BORCS5: variants seen among roughly 807,000 people sequenced by gnomAD.
BORCS5 encodes the protein BLOC-1-related complex subunit 5.
Under a neutral mutation model 22.1 loss-of-function variants are expected in BORCS5, and 17 were observed. The ratio of observed to expected loss-of-function variants is 0.77; its 90% CI spans 0.53 to 1.15. The LOEUF (loss-of-function observed/expected upper bound fraction) is 1.15. Among genes scored for constraint, BORCS5 ranks in the 50% most tolerant of loss-of-function variants. The pLI is 0.00. For missense variants in BORCS5, 247 were observed against 253.2 expected, an observed-to-expected ratio of 0.98 and a Z score of 0.17; for synonymous variants, 117 against 99.8, an observed-to-expected ratio of 1.17 and a Z score of -1.03.
intron 2 of BORCS5, among the ~76,000 whole-genome samples, chr12:12,380,576 G>T (rs1863754825): frequency 6.6e-6 from 1 of 151,648 alleles, no homozygotes; most frequent in African/African-American, 2.4e-5. Flanking sequence ...ATGCTGCTAT[G>T]AACCTTTGTG....
In BORCS5 at chr12:12,357,145, G is replaced by T. The variant is rs576095939; in HGVS notation, c.-307G>T. 2.8e-5 allele frequency: 43 copies of T among 1,533,074 alleles called. No individual in the cohort carries two copies. In the African/African-American group the frequency reaches 5.2e-4, roughly 19 times the overall value. The allele number at this position is 1,533,074 out of a possible 1,614,324, so 95.0% of individuals were successfully genotyped here. A position where few individuals can be genotyped will look rare whatever the true frequency, so the allele number is the denominator to read the frequency against. On this transcript the variant is annotated 5_prime_UTR_variant, in exon 1 of 4. Coordinates refer to ENST00000314565, the MANE Select transcript of BORCS5 (RefSeq NM_058169.6). ...TGAGTGAAAGCGGCGCCGCCCGCCG[G>T]CCGCAGGTGCGGCAAAGCCAGTGTC...
intron 2 of BORCS5, among the ~76,000 whole-genome samples, chr12:12,369,712 C>CTTT (rs71061052): frequency 0.01 from 448 of 42,960 alleles, 63 homozygotes; most frequent in African/African-American, 0.025. Context: ...CCCCCCACTT[C>CTTT]TTTTTTTTTT....
chr12:12,399,894 C>A (rs1435991274), intron 2 of BORCS5, among the ~76,000 whole-genome samples: 2 of 152,166 alleles, frequency 1.3e-5, no homozygotes, highest in Non-Finnish European at 2.9e-5. Context: ...TCATTGTTTT[C>A]CACTCATCTG....
intron 3 of BORCS5, among the ~76,000 whole-genome samples, chr12:12,445,901 C>T (rs1052746476): frequency 1.3e-5 from 2 of 151,502 alleles, no homozygotes; most frequent in Non-Finnish European, 2.9e-5. Flanking sequence ...ACAATGGCCT[C>T]CCAAATGCCA....
At chr12:12,364,988 A>G (rs1452414436) in intron 2 of BORCS5, among the ~76,000 whole-genome samples, 1 of 152,212 alleles carries the variant, frequency 6.6e-6, no homozygotes, top group African/African-American at 2.4e-5. Context: ...ATCATCACTG[A>G]GTGCCCTGAA....
chr12:12,362,885 A>T (rs1168898389), intron 2 of BORCS5, among the ~76,000 whole-genome samples: 1 of 151,776 alleles, frequency 6.6e-6, no homozygotes. Context: ...TCCTGACCTC[A>T]GGTGATCCAC....
At chr12:12,393,943 G>T (rs977032097) in intron 2 of BORCS5, among the ~76,000 whole-genome samples, 1 of 152,034 alleles carries the variant, frequency 6.6e-6, no homozygotes, top group Non-Finnish European at 1.5e-5. Flanking sequence ...TACAGATCAG[G>T]TGTGTATGTT....
chr12:12,417,794 A>G (rs2098872448), intron 2 of BORCS5, among the ~76,000 whole-genome samples: 2 of 151,872 alleles, frequency 1.3e-5, no homozygotes, highest in East Asian at 1.9e-4. Context: ...GACTAGTACC[A>G]TCATACCCAG....
intron 2 of BORCS5, among the ~76,000 whole-genome samples, chr12:12,365,290 T>C (rs903969847): frequency 6.6e-6 from 1 of 152,032 alleles, no homozygotes; most frequent in African/African-American, 2.4e-5. Flanking sequence ...CCATCTCAGC[T>C]TCCAGAGTAG....
Position 12,361,286 on chromosome 12 carries a change from G to A in BORCS5, c.139G>A (p.Val47Ile), listed in dbSNP as rs372230725. Residue 47 changes from valine to isoleucine, a missense_variant, in exon 2 of 4, where the codon GTC becomes ATC. By Grantham distance (29) the Val-to-Ile change is conservative (BLOSUM62 3). Coordinates refer to ENST00000314565, the MANE Select transcript of BORCS5 (RefSeq NM_058169.6). The part of the protein sequence containing the change: ...VAQGSQASRN[V>I]SNDPDVIKLQ... Reference sequence around the variant, plus strand: ...TCAGGGCTCCCAGGCCTCACGGAACGTCAGCAACGATCCCGATGTCATCAA... The same window carrying A: ...TCAGGGCTCCCAGGCCTCACGGAACATCAGCAACGATCCCGATGTCATCAA... 1.8e-4 allele frequency: 297 copies of A among 1,614,006 alleles called. No individual in the cohort carries two copies. Among genetic ancestry groups the A allele is most frequent in the Non-Finnish European group, 2.2e-4 (258 of 1,180,040 alleles).
At chr12:12,402,515 T>A (rs1411099199) in intron 2 of BORCS5, among the ~76,000 whole-genome samples, 3 of 152,208 alleles carry the variant, frequency 2.0e-5, no homozygotes, top group African/African-American at 7.2e-5. Flanking sequence ...TTATCCAATA[T>A]TCTGCTTCCT....
At chr12:12,448,527 C>CTTTTTTTTTTTTTTT (rs34937700) in intron 3 of BORCS5, among the ~76,000 whole-genome samples, 1 of 142,406 alleles carries the variant, frequency 7.0e-6, no homozygotes, top group Non-Finnish European at 1.5e-5. Context: ...GTCTTCAATT[C>CTTTTTTTTTTTTTTT]TTTTTTTTTT....
intron 2 of BORCS5, among the ~76,000 whole-genome samples, chr12:12,417,486 G>A (rs1942000204): frequency 6.6e-6 from 1 of 152,104 alleles, no homozygotes; most frequent in Admixed American, 6.6e-5. Flanking sequence ...AGTTTGTTGT[G>A]TGTTCAAGTC....
rs756431522 is a variant in BORCS5, at chr12:12,465,519, T to C, written c.361-27T>C. On this transcript the variant is annotated intron_variant, in intron 3 of 3. Transcript: ENST00000314565. ...GGAGAGGACTTGATTAAACAAGGTATAATGTACTTCTCTTTCCCATCCACA... is the reference window on the plus strand; with the variant it reads ...GGAGAGGACTTGATTAAACAAGGTACAATGTACTTCTCTTTCCCATCCACA... 6.2e-6 allele frequency: 10 copies of C among 1,602,368 alleles called. No individual in the cohort carries two copies. The East Asian group carries it at 2.2e-4, about 36-fold the overall frequency.
chr12:12,457,187 A>G lies in BORCS5; in HGVS notation c.361-8359A>G, dbSNP rs1943012592. Among the ~76,000 whole-genome samples the G allele has an allele frequency of 7.2e-5, 11 of 152,274 alleles. No homozygotes were observed. In the South Asian group the frequency reaches 2.3e-3, roughly 32 times the overall value. On this transcript the variant is annotated intron_variant, in intron 3 of 3. Transcript: ENST00000314565. Reference sequence around the variant, plus strand: ...TTTATCTCATTTAATTCTCACGTCAACCCTATGACGTAGGCATTGTCAATT... The same window carrying G: ...TTTATCTCATTTAATTCTCACGTCAGCCCTATGACGTAGGCATTGTCAATT...
At chr12:12,411,151 A>T (rs1315361938) in intron 2 of BORCS5, among the ~76,000 whole-genome samples, 1 of 152,192 alleles carries the variant, frequency 6.6e-6, no homozygotes, top group Non-Finnish European at 1.5e-5. Context: ...TTCTAGATAT[A>T]CAATCATGTC....
chr12:12,367,318 A>T (rs1863426308), intron 2 of BORCS5, among the ~76,000 whole-genome samples: 1 of 152,212 alleles, frequency 6.6e-6, no homozygotes, highest in Non-Finnish European at 1.5e-5. Context: ...CAGCTGTCAG[A>T]CCTTATCATT....
At chr12:12,381,570 G>A (rs1033502335) in intron 2 of BORCS5, among the ~76,000 whole-genome samples, 3 of 151,248 alleles carry the variant, frequency 2.0e-5, no homozygotes, top group African/African-American at 7.3e-5. Context: ...TTTTAATTTC[G>A]TGGATTGTAC....
intron 2 of BORCS5, among the ~76,000 whole-genome samples, chr12:12,408,478 C>A (rs928710325): frequency 1.3e-4 from 20 of 152,136 alleles, no homozygotes; most frequent in African/African-American, 4.8e-4. Flanking sequence ...TGTTGTGTGA[C>A]CATCACCACT....
Sources: gnomAD v4.1 joint callset for allele counts (sites outside exome capture counted in the v4.1 genomes callset) on GRCh38, gnomAD v4.1.1 for gene constraint, MANE v1.5 for transcripts, NCBI Gene and HGNC (gene_info 2026-07-23, HGNC 2026-07-21) for gene names.